The following THRB variants were observed in gnomAD, a reference collection of about 807,000 sequenced individuals.
The protein encoded by THRB is thyroid hormone receptor beta, also known as nuclear receptor subfamily 1 group A member 2.
THRB carries 12 observed loss-of-function variants against 47.8 expected under a neutral mutation model. The observed-to-expected ratio is 0.25, with a 90% CI of 0.16 to 0.41. The LOEUF (loss-of-function observed/expected upper bound fraction) is 0.41. Ranked by LOEUF, THRB falls within the 10% of genes least tolerant of loss-of-function variation. THRB has a pLI of 1.00. For synonymous variants in THRB, 218 were observed against 212.2 expected (o/e 1.03, Z -0.24); for missense variants, 348 against 589.2 (o/e 0.59, Z 4.24).
At chr3:24,367,673 T>C (rs565413490) in intron 1 of THRB, among the ~76,000 whole-genome samples, 38 of 152,298 alleles carry the variant, frequency 2.5e-4, no homozygotes, top group Admixed American at 2.4e-3. Flanking sequence ...ACATGCACTG[T>C]TGTAACATGC....
At chr3:24,386,284 C>T (rs922346966) in intron 1 of THRB, among the ~76,000 whole-genome samples, 29 of 152,182 alleles carry the variant, frequency 1.9e-4, no homozygotes, top group Middle Eastern at 6.8e-3. Context: ...TTTCTACTTG[C>T]CCTGTTCTTA....
chr3:24,390,579 A>G (rs2066483178), intron 1 of THRB, among the ~76,000 whole-genome samples: 1 of 151,970 alleles, frequency 6.6e-6, no homozygotes, highest in South Asian at 2.1e-4. Context: ...AGATGGCTTA[A>G]CAACCAACTC....
intron 3 of THRB, among the ~76,000 whole-genome samples, chr3:24,282,687 G>T (rs1373235357): frequency 2.7e-5 from 4 of 148,152 alleles, no homozygotes; most frequent in African/African-American, 1.0e-4. Context: ...TAGACCGCTA[G>T]CAAGACTAAT....
At chr3:24,329,993 T>C (rs184524571) in intron 2 of THRB, among the ~76,000 whole-genome samples, 2 of 152,376 alleles carry the variant, frequency 1.3e-5, no homozygotes, top group East Asian at 1.9e-4. Context: ...CGTCTTAGAC[T>C]GCTCAAAACT....
At chr3:24,147,008 G>A (rs1031777446) in intron 6 of THRB, among the ~76,000 whole-genome samples, 186 bp from the exon 7 acceptor site, 12 of 152,114 alleles carry the variant, frequency 7.9e-5, no homozygotes, top group South Asian at 4.1e-4. Context: ...TTCTAAATCT[G>A]AGCTGATGAT....
intron 1 of THRB, among the ~76,000 whole-genome samples, chr3:24,438,880 TCTTAGGTA>T (rs1485340755): frequency 6.6e-6 from 1 of 152,060 alleles, no homozygotes; most frequent in African/African-American, 2.4e-5. Context: ...AAAGGCAGTG[TCTTAGGTA>T]AGGATCCCCA....
At chr3:24,138,792 A>G (rs2035040511) in intron 8 of THRB, among the ~76,000 whole-genome samples, 3 of 152,132 alleles carry the variant, frequency 2.0e-5, no homozygotes, top group South Asian at 2.1e-4. Flanking sequence ...AGCTGCCCCA[A>G]TTGAGTGTGT....
chr3:24,327,639 T>C (rs917870638), intron 2 of THRB, among the ~76,000 whole-genome samples: 22 of 152,176 alleles, frequency 1.4e-4, no homozygotes, highest in Non-Finnish European at 8.8e-5. Flanking sequence ...TACATTTTAG[T>C]GGATGGAAAC....
intron 8 of THRB, among the ~76,000 whole-genome samples, chr3:24,136,086 G>C (rs1220956790): frequency 6.6e-6 from 1 of 151,654 alleles, no homozygotes; most frequent in South Asian, 2.1e-4. Context: ...TGGGTGTGTA[G>C]ATTATTTGAA....
chr3:24,232,380 A>T (rs895518937), intron 3 of THRB, among the ~76,000 whole-genome samples: 14 of 152,336 alleles, frequency 9.2e-5, no homozygotes, highest in African/African-American at 3.4e-4. Flanking sequence ...GCAAAAATAT[A>T]TACAGGTTTC....
At chr3:24,281,118 A>T (rs1038615034) in intron 3 of THRB, among the ~76,000 whole-genome samples, 321 of 152,206 alleles carry the variant, frequency 2.1e-3, no homozygotes, top group African/African-American at 7.1e-3. Flanking sequence ...GAAGAGCAAC[A>T]CCAAGACACA....
rs367757022 is a variant in THRB at position 24,418,259 on chromosome 3, A to C, written c.-261+76393T>G. ...GGGTATAGGGATTAAAAAAAAAAAA[A>C]CCTGTATTTCTGTAACCTTGCCTAG... On this transcript the variant is annotated intron_variant, in intron 1 of 10. Transcript: ENST00000646209. Among the ~76,000 whole-genome samples, 566 of 150,090 alleles carry C rather than the reference A, an allele frequency of 3.8e-3. 3 individuals carry two copies. The highest frequency in any genetic ancestry group is 0.013 in the African/African-American group (545 of 40,976).
At chr3:24,269,403 GCACACACA>G (rs200586026) in intron 3 of THRB, among the ~76,000 whole-genome samples, 4,316 of 72,472 alleles carry the variant, frequency 0.06, 140 homozygotes, top group African/African-American at 0.13. Context: ...GCGCGCGCGC[GCACACACA>G]CACACACACA....
chr3:24,414,558 T>A (rs1017909412), intron 1 of THRB, among the ~76,000 whole-genome samples: 2 of 151,882 alleles, frequency 1.3e-5, no homozygotes, highest in South Asian at 4.1e-4. Flanking sequence ...AAGATATTTT[T>A]AAAAATATAC....
At chr3:24,433,410 C>T (rs896535220) in intron 1 of THRB, among the ~76,000 whole-genome samples, 6 of 152,028 alleles carry the variant, frequency 3.9e-5, no homozygotes, top group Non-Finnish European at 5.9e-5. Flanking sequence ...ATTAGAGTGA[C>T]GCACTTTCTA....
At chr3:24,199,297 G>T (rs2044327259) in intron 4 of THRB, among the ~76,000 whole-genome samples, 1 of 152,050 alleles carries the variant, frequency 6.6e-6, no homozygotes, top group South Asian at 2.1e-4. Context: ...TCTTCTTTTA[G>T]GCAAAGTCTT....
At chr3:24,256,394 C>G (rs2051284815) in intron 3 of THRB, among the ~76,000 whole-genome samples, 1 of 151,954 alleles carries the variant, frequency 6.6e-6, no homozygotes, top group Non-Finnish European at 1.5e-5. Context: ...ACTGGGAAGC[C>G]AAACTTTCAG....
chr3:24,262,424 G>A (rs1284280769), intron 3 of THRB, among the ~76,000 whole-genome samples: 1 of 152,148 alleles, frequency 6.6e-6, no homozygotes, highest in Non-Finnish European at 1.5e-5. Flanking sequence ...TGATCCCTGG[G>A]TGCCAAACCC....
chr3:24,401,828 G>A (rs2067427042), intron 1 of THRB, among the ~76,000 whole-genome samples: 1 of 152,068 alleles, frequency 6.6e-6, no homozygotes, highest in Middle Eastern at 3.4e-3. Flanking sequence ...AGACGCTCTA[G>A]GGTAGGGGGA....
Sources: gnomAD v4.1 joint callset for allele counts (sites outside exome capture counted in the v4.1 genomes callset) on GRCh38, gnomAD v4.1.1 for gene constraint, MANE v1.5 for transcripts, NCBI Gene and HGNC (gene_info 2026-07-23, HGNC 2026-07-21) for gene names.